The following RBM47 variants were observed in gnomAD, a reference collection of about 807,000 sequenced individuals.
RBM47 encodes the protein RNA binding motif protein 47.
Under a neutral mutation model 47.1 loss-of-function variants are expected in RBM47, and 21 were observed. That is an observed-to-expected ratio of 0.45 (90% CI 0.32 to 0.64). The LOEUF (loss-of-function observed/expected upper bound fraction) is 0.64. Among genes scored for constraint, RBM47 ranks in the 30% least tolerant of loss-of-function variants. The probability of loss-of-function intolerance (pLI) is 0.05; values close to 1 mark genes in which losing one functional copy is unlikely to be tolerated. For missense variants in RBM47, 708 were observed against 870.9 expected (o/e 0.81, Z 2.35); for synonymous variants, 375 against 361.7 (o/e 1.04, Z -0.42).
chr4:40,486,943 T>C (rs1721171862), intron 2 of RBM47, among the ~76,000 whole-genome samples: 2 of 152,242 alleles, frequency 1.3e-5, no homozygotes, highest in Admixed American at 1.3e-4. Flanking sequence ...GTTGCTGTTT[T>C]CTATAGTTGT....
Position 40,437,071 on chromosome 4 carries a change from C to T in RBM47, c.1124-424G>A, listed in dbSNP as rs1712586502. ...CCTGGGGAGCATGGTGAGACCCTGT[C>T]TCAAAAAAAAAAAAAAAAAATATAT... On this transcript the variant is annotated intron_variant, in intron 4 of 6. Transcript: ENST00000295971. 1.7e-4 allele frequency among the ~76,000 whole-genome samples: 4 copies of T among 23,994 alleles called. 1 individual carries two copies. In the Admixed American group the frequency reaches 2.2e-3, roughly 13 times the overall value. 15.7% of individuals were successfully genotyped at this position (23,994 alleles called of 152,430 possible).
At chr4:40,584,459 G>T (rs1465991538) in intron 1 of RBM47, among the ~76,000 whole-genome samples, 2 of 152,130 alleles carry the variant, frequency 1.3e-5, no homozygotes, top group East Asian at 3.8e-4. Flanking sequence ...TAAAAAACAG[G>T]TGACAATTTT....
chr4:40,598,251 T>C (rs1734933657), intron 1 of RBM47, among the ~76,000 whole-genome samples: 1 of 152,092 alleles, frequency 6.6e-6, no homozygotes, highest in Non-Finnish European at 1.5e-5. Flanking sequence ...TTTATTTATT[T>C]ATTTATTTAT....
intron 2 of RBM47, among the ~76,000 whole-genome samples, chr4:40,489,589 C>T (rs962515235): frequency 2.6e-5 from 4 of 152,204 alleles, no homozygotes; most frequent in South Asian, 4.1e-4. Context: ...AGGAGAAATT[C>T]CTAGAAAGAT....
intron 2 of RBM47, among the ~76,000 whole-genome samples, chr4:40,535,198 A>G (rs1727821247): frequency 6.6e-6 from 1 of 152,078 alleles, no homozygotes; most frequent in South Asian, 2.1e-4. Context: ...AATGTAAATC[A>G]TCATTATTTT....
chr4:40,592,971 ATATATATATTTTTTTTT>A (rs1734359074), intron 1 of RBM47, among the ~76,000 whole-genome samples: 1 of 22,806 alleles, frequency 4.4e-5, no homozygotes, highest in Non-Finnish European at 7.1e-5. Flanking sequence ...ATATATATAT[ATATATATATTTTTTTTT>A]TTTTTTTTTT....
intron 2 of RBM47, among the ~76,000 whole-genome samples, chr4:40,528,959 AATAAAT>A (rs1727067227): frequency 6.7e-6 from 1 of 148,166 alleles, no homozygotes; most frequent in South Asian, 2.2e-4. Context: ...AAAATAAATA[AATAAAT>A]AAATAAATAA....
intron 2 of RBM47, among the ~76,000 whole-genome samples, chr4:40,530,655 C>T (rs775039059): frequency 3.9e-5 from 6 of 152,132 alleles, no homozygotes; most frequent in East Asian, 1.9e-4. Flanking sequence ...TAGGGACTTC[C>T]GTACTGGACA....
intron 2 of RBM47, 81 bp from the exon 3 acceptor site, chr4:40,466,780 G>GC (rs1560391520): frequency 9.2e-6 from 1 of 109,112 alleles, no homozygotes; most frequent in African/African-American, 3.4e-5. Flanking sequence ...TTGGGGGGGG[G>GC]GGGGCAGATC....
At chr4:40,551,736 C>T (rs985101616) in intron 1 of RBM47, among the ~76,000 whole-genome samples, 2 of 150,728 alleles carry the variant, frequency 1.3e-5, no homozygotes, top group African/African-American at 2.4e-5. Context: ...GCAGCTTCCG[C>T]CTCCCGGGTT....
intron 2 of RBM47, among the ~76,000 whole-genome samples, chr4:40,541,280 A>C (rs1174499722): frequency 6.7e-6 from 1 of 150,288 alleles, no homozygotes; most frequent in African/African-American, 2.5e-5. Flanking sequence ...AAAAAAAAAA[A>C]ATCGCATCAA....
intron 3 of RBM47, among the ~76,000 whole-genome samples, chr4:40,440,177 T>A (rs1015910001): frequency 1.1e-4 from 17 of 152,204 alleles, no homozygotes; most frequent in Non-Finnish European, 1.9e-4. Context: ...ACTATAAAAG[T>A]ATTCAGTTAA....
At chr4:40,499,505 G>A (rs1723067090) in intron 2 of RBM47, among the ~76,000 whole-genome samples, 2 of 152,186 alleles carry the variant, frequency 1.3e-5, no homozygotes, top group Admixed American at 1.3e-4. Context: ...CGCCTTCCGG[G>A]TTCAAGTGAT....
At position 40,628,224 on chromosome 4, in the gene RBM47, TA is replaced by T. The variant is rs1737916463; in HGVS notation, c.-240+1171del. ...GGTAAAGCAGACCAGAAAAAAATAT[TA>T]AAAACCAAACCATCTCCTCCTTTCT... On this transcript the variant is annotated intron_variant, in intron 1 of 6. Coordinates refer to ENST00000295971, the MANE Select transcript of RBM47 (RefSeq NM_001098634.2). This position sits in a 1 kb window ranked among gnomAD's most constrained non-coding sequence, Gnocchi z 4.0. Among the ~76,000 whole-genome samples, 1 of 152,208 alleles carries T rather than the reference TA, an allele frequency of 6.6e-6. No individual in the cohort carries two copies. The highest frequency in any genetic ancestry group is 1.5e-5 in the Non-Finnish European group (1 of 68,034).
At chr4:40,586,246 G>T (rs1416190686) in intron 1 of RBM47, among the ~76,000 whole-genome samples, 1 of 152,182 alleles carries the variant, frequency 6.6e-6, no homozygotes, top group African/African-American at 2.4e-5. Context: ...TTGAGGTAAA[G>T]AACTCTGTTG....
At chr4:40,465,876 T>C (rs1717937557) in intron 3 of RBM47, among the ~76,000 whole-genome samples, 1 of 152,108 alleles carries the variant, frequency 6.6e-6, no homozygotes, top group African/African-American at 2.4e-5. Context: ...GTATGAGGAT[T>C]GATCAAAAAT....
rs766789538 is a variant in RBM47 at position 40,437,131 on chromosome 4, T to A, written c.1124-484A>T. On this transcript the variant is annotated intron_variant, in intron 4 of 6. Coordinates refer to ENST00000295971, the MANE Select transcript of RBM47 (RefSeq NM_001098634.2). ...TATATAAAATACATATATATATATA[T>A]AAAATACATATATATATATAAAATA... Among the ~76,000 whole-genome samples the A allele has an allele frequency of 1.3e-4, 12 of 91,126 alleles. 1 individual carries two copies. Among genetic ancestry groups the A allele is most frequent in the African/African-American group, 3.2e-4 (6 of 18,950 alleles). The allele number at this position is 91,126 out of a possible 152,430, so 59.8% of individuals were successfully genotyped here.
chr4:40,467,655 T>G (rs1031003164), intron 2 of RBM47, among the ~76,000 whole-genome samples: 1 of 151,924 alleles, frequency 6.6e-6, no homozygotes, highest in Non-Finnish European at 1.5e-5. Flanking sequence ...GATTTGGGGG[T>G]TTAGAATAAT....
chr4:40,506,042 C>G (rs1026019639), intron 2 of RBM47, among the ~76,000 whole-genome samples: 10 of 152,098 alleles, frequency 6.6e-5, no homozygotes, highest in Admixed American at 3.3e-4. Flanking sequence ...CTTTCTCTGA[C>G]CTATCTACTA....
Sources: gnomAD v4.1 joint callset for allele counts (sites outside exome capture counted in the v4.1 genomes callset) on GRCh38, gnomAD v4.1.1 for gene constraint, Gnocchi (gnomAD v3.1) non-coding constraint, MANE v1.5 for transcripts, NCBI Gene and HGNC (gene_info 2026-07-23, HGNC 2026-07-21) for gene names.